The following ABCC11 variants were observed in gnomAD, a reference collection of about 807,000 sequenced individuals.
The protein encoded by ABCC11 is ATP-binding cassette sub-family C member 11.
Under a neutral mutation model 149.3 loss-of-function variants are expected in ABCC11, and 135 were observed. That is an observed-to-expected ratio of 0.90 (90% confidence interval 0.79 to 1.04). ABCC11 has a LOEUF of 1.04. Ranked by LOEUF, ABCC11 falls within the 50% of genes least tolerant of loss-of-function variation. The probability of loss-of-function intolerance (pLI) is 0.00; values close to 1 mark genes in which losing one functional copy is unlikely to be tolerated. For missense variants in ABCC11, 1,680 were observed against 1,722.1 expected (o/e 0.98, Z 0.43); for synonymous variants, 665 against 671.4 (o/e 0.99, Z 0.15).
At chr16:48,246,960 G>A (rs1971421052) in intron 1 of ABCC11, among the ~76,000 whole-genome samples, 2 of 54,260 alleles carry the variant, frequency 3.7e-5, no homozygotes, top group African/African-American at 1.6e-4. Flanking sequence ...ATCAGGTACT[G>A]TGTGATCTGA....
intron 20 of ABCC11, among the ~76,000 whole-genome samples, chr16:48,187,784 T>C (rs1966837984): frequency 6.6e-6 from 1 of 152,172 alleles, no homozygotes; most frequent in African/African-American, 2.4e-5. Flanking sequence ...ATATGAATTA[T>C]ATCCTGTAAA....
At chr16:48,170,041 T>C (rs1268929241) in intron 28 of ABCC11, 64 bp downstream of exon 28, 3 of 1,330,108 alleles carry the variant, frequency 2.3e-6, no homozygotes, top group Admixed American at 1.9e-5. Context: ...AGGGAGCCGG[T>C]GTGGCTTCCC....
At position 48,212,053 on chromosome 16, in the gene ABCC11, AGAAT is replaced by A. The variant is rs370173991; in HGVS notation, c.1357-858_1357-855del. 2.6e-4 allele frequency among the ~76,000 whole-genome samples: 40 copies of A among 152,242 alleles called. No individual in the cohort carries two copies. In the East Asian group the frequency reaches 7.5e-3, roughly 29 times the overall value. ...CAGGTGAAAACAGGCACAGAAGGGG[AGAAT>A]GAATGGGTGAACCCAGTGTCCCATG... On this transcript the variant is annotated intron_variant, in intron 10 of 29. Transcript: ENST00000356608.
intron 22 of ABCC11, among the ~76,000 whole-genome samples, chr16:48,186,434 C>T (rs912961687): frequency 3.3e-5 from 5 of 152,182 alleles, no homozygotes; most frequent in South Asian, 2.1e-4. Flanking sequence ...AGGTGAAGAC[C>T]GTGCTTGATT....
intron 11 of ABCC11, 164 bp downstream of exon 11, chr16:48,210,784 G>A (rs142824126): frequency 1.7e-5 from 17 of 1,000,690 alleles, no homozygotes; most frequent in East Asian, 1.3e-4. Flanking sequence ...AAAAATGAAC[G>A]ATATCCTGTG....
intron 1 of ABCC11, among the ~76,000 whole-genome samples, chr16:48,240,213 G>A (rs113241663): frequency 0.13 from 19,914 of 152,080 alleles, 1,618 homozygotes; most frequent in African/African-American, 0.23. Context: ...TATTTTAAAG[G>A]TACATGCACA....
intron 1 of ABCC11, among the ~76,000 whole-genome samples, chr16:48,233,311 C>G (rs1158047029): frequency 6.6e-6 from 1 of 152,244 alleles, no homozygotes; most frequent in African/African-American, 2.4e-5. Context: ...TTGTCCCACT[C>G]CTTCCCATCC....
chr16:48,226,309 C>G (rs1393127850), intron 4 of ABCC11, among the ~76,000 whole-genome samples: 10 of 137,604 alleles, frequency 7.3e-5, no homozygotes, highest in Middle Eastern at 4.6e-3. Flanking sequence ...GAGTCTCACT[C>G]TGTTGCCCAG....
intron 6 of ABCC11, among the ~76,000 whole-genome samples, chr16:48,217,753 A>T (rs1969446882): frequency 6.6e-6 from 1 of 152,206 alleles, no homozygotes; most frequent in Non-Finnish European, 1.5e-5. Context: ...GACATGCCCT[A>T]GTGGGAGCCT....
Position 48,214,889 on chromosome 16 carries a change from C to T in ABCC11, c.1240G>A (p.Ala414Thr), listed in dbSNP as rs1392106711. Residue 414 changes from alanine (A) to threonine (T), a missense_variant, in exon 9 of 30, where the codon GCG (alanine) becomes ACG (threonine). Coordinates refer to ENST00000356608, the MANE Select transcript of ABCC11 (RefSeq NM_001370497.1). ...GCCCCCCAAACCCTTACCATTGACG[C>T]TGTGAGTTTCAGCTTTAAGGATGTG... ...IHTSLKLKLT[A>T]SMAFSMLASL... 1.9e-6 allele frequency: 3 copies of T among 1,614,082 alleles called. No individual in the cohort carries two copies. The highest frequency in any genetic ancestry group is 1.7e-6 in the Non-Finnish European group (2 of 1,180,046).
At chr16:48,193,768 G>C in intron 19 of ABCC11, 111 bp downstream of exon 19, 1 of 869,204 alleles carries the variant, frequency 1.2e-6, no homozygotes, top group East Asian at 2.7e-5. Context: ...CTCTGGGCTT[G>C]TCATGTGGGT....
chr16:48,200,721 GA>G (rs1268405364), intron 14 of ABCC11, among the ~76,000 whole-genome samples: 1 of 152,206 alleles, frequency 6.6e-6, no homozygotes, highest in Admixed American at 6.5e-5. Context: ...CCAGAGGCTG[GA>G]AAGGATTTTT....
chr16:48,211,831 C>T (rs1968954564), intron 10 of ABCC11, among the ~76,000 whole-genome samples: 1 of 152,192 alleles, frequency 6.6e-6, no homozygotes, highest in East Asian at 1.9e-4. Context: ...GTCTATAAAG[C>T]ACAAGGGTTG....
intron 1 of ABCC11, among the ~76,000 whole-genome samples, chr16:48,245,492 C>G (rs907581451): frequency 2.0e-5 from 3 of 152,150 alleles, no homozygotes; most frequent in African/African-American, 4.8e-5. Context: ...ACTTTGCTGT[C>G]CAGTACTGTG....
chr16:48,197,434 G>C (rs1967532590), intron 17 of ABCC11, among the ~76,000 whole-genome samples: 1 of 152,200 alleles, frequency 6.6e-6, no homozygotes, highest in African/African-American at 2.4e-5. Flanking sequence ...AATTCAGAGA[G>C]GTTAAGTTAG....
In ABCC11 at chr16:48,193,982, C is replaced by A; in HGVS notation, c.2405G>T (p.Gly802Val). Residue 802 changes from glycine to valine, a missense_variant and splice_region_variant, in exon 19 of 30, where the codon GGT becomes GTT. By Grantham distance (109) the Gly-to-Val change is moderately radical. Coordinates refer to ENST00000356608, the MANE Select transcript of ABCC11 (RefSeq NM_001370497.1). ...VYHHYIQAAG[G>V]YMVSCIIFFF... ...GAAAATTATGCAAGAGACCATGTAA[C>A]CTGGGAGGGAGACAGTGGTGATGTA... 6.2e-7 allele frequency: 1 copy of A among 1,607,922 alleles called. No homozygotes were observed. Among genetic ancestry groups the A allele is most frequent in the Non-Finnish European group, 8.5e-7 (1 of 1,174,590 alleles).
chr16:48,210,828 G>C (rs1968855991), intron 11 of ABCC11, 120 bp downstream of exon 11: 1 of 1,339,508 alleles, frequency 7.5e-7, no homozygotes, highest in Non-Finnish European at 1.0e-6. Flanking sequence ...ATTTTAAGGG[G>C]AGAGATCTTG....
intron 18 of ABCC11, among the ~76,000 whole-genome samples, 172 bp from the exon 19 acceptor site, chr16:48,194,154 G>T (rs1274895535): frequency 6.6e-6 from 1 of 152,122 alleles, no homozygotes; most frequent in Non-Finnish European, 1.5e-5. Context: ...GAGAGCCCTG[G>T]GTTCAAATCC....
rs373451925 is a variant in ABCC11 at position 48,211,229 on chromosome 16, A to T, written c.1357-30T>A. The T allele has an allele frequency of 3.8e-4, 603 of 1,607,472 alleles. 4 individuals are homozygous for T. Among genetic ancestry groups the T allele is most frequent in the South Asian group, 3.0e-3 (271 of 90,968 alleles). On this transcript the variant is annotated intron_variant, in intron 10 of 29. Coordinates refer to ENST00000356608, the MANE Select transcript of ABCC11 (RefSeq NM_001370497.1). ...AAAGACAGAAAAAAATAGAGGGAGG[A>T]GGAATACAGTTCTTTAGTTCAGCAG... is the stretch of plus-strand genomic sequence containing the variant.
Sources: gnomAD v4.1 joint callset for allele counts (sites outside exome capture counted in the v4.1 genomes callset) on GRCh38, gnomAD v4.1.1 for gene constraint, MANE v1.5 for transcripts, NCBI Gene and HGNC (gene_info 2026-07-23, HGNC 2026-07-21) for gene names.